ZBTB37: variants seen among roughly 807,000 people sequenced by gnomAD.
The protein encoded by ZBTB37 is zinc finger and BTB domain containing 37, also known as zinc finger and BTB domain-containing protein 37.
A neutral mutation model predicts 37.7 loss-of-function variants in ZBTB37; 15 were observed. That is an observed-to-expected ratio of 0.40 (90% CI 0.27 to 0.61). The LOEUF is 0.61. ZBTB37 is among the 20% of genes least tolerant of loss of function. The pLI is 0.44. For synonymous variants in ZBTB37, 231 were observed against 220.6 expected (o/e 1.05, Z -0.42); for missense variants, 514 against 641.9 (o/e 0.80, Z 2.15).
At chr1:173,900,887 A>T (rs1040018237) in exon 4 of ZBTB37, 21 of 152,370 alleles carry the variant, frequency 1.4e-4, no homozygotes, top group African/African-American at 4.6e-4. Context: ...TAGGGTTTTC[A>T]TACTGAAGAA....
chr1:173,870,029 A>G (rs1393359640), intron 2 of ZBTB37, among the ~76,000 whole-genome samples, 171 bp from the exon 3 acceptor site: 1 of 152,230 alleles, frequency 6.6e-6, no homozygotes, highest in African/African-American at 2.4e-5. Context: ...ACTTAAACTG[A>G]AAAACCTGTT....
Position 173,871,097 on chromosome 1 carries a change from T to C in ZBTB37, c.872T>C (p.Leu291Ser), listed in dbSNP as rs753077330. 3.0e-5 allele frequency: 49 copies of C among 1,613,420 alleles called. No individual in the cohort carries two copies. The South Asian group carries it at 4.0e-4, about 13-fold the overall frequency. ...TCTGTAGGACAGGAAAATTATACTT[T>C]AGGGTCTTCAGGAGCCAAGGTGGCT... Residue 291 changes from leucine (L) to serine (S), a missense_variant, in exon 3 of 5, where the codon TTA (leucine) becomes TCA (serine). Physicochemically the swap from Leu to Ser is moderately radical, Grantham distance 145. Around this residue, in one of 3 missense-constraint regions of ZBTB37, gnomAD observed 323 missense variants for 321.9 expected, o/e 1.00. Transcript: ENST00000427304.
chr1:173,873,483 A>G, exon 4 of ZBTB37: 2 of 1,611,864 alleles, frequency 1.2e-6, no homozygotes. Context: ...CCCCTCCGGC[A>G]GTGTTGTTCC....
chr1:173,888,582 A>G (rs1046065400), downstream of ZBTB37: 2 of 148,960 alleles, frequency 1.3e-5, no homozygotes, highest in African/African-American at 5.1e-5. Flanking sequence ...ATGCACCACC[A>G]TGTCTAGCTA....
intron 4 of ZBTB37, among the ~76,000 whole-genome samples, chr1:173,880,631 T>C (rs374772502): frequency 2.0e-5 from 3 of 152,340 alleles, no homozygotes; most frequent in East Asian, 1.9e-4. Flanking sequence ...AATTGTCAAG[T>C]GAGAGGAATG....
chr1:173,880,630 G>GT (rs1470674425), intron 4 of ZBTB37, among the ~76,000 whole-genome samples: 4 of 152,236 alleles, frequency 2.6e-5, no homozygotes, highest in African/African-American at 9.7e-5. Context: ...TAATTGTCAA[G>GT]TGAGAGGAAT....
chr1:173,882,370 T>G (rs1656373329), intron 4 of ZBTB37, among the ~76,000 whole-genome samples: 1 of 150,594 alleles, frequency 6.6e-6, no homozygotes, highest in African/African-American at 2.4e-5. Context: ...GCCTCCCGAG[T>G]AGCTGGGACT....
chr1:173,869,503 T>C (rs1422739204), intron 2 of ZBTB37, among the ~76,000 whole-genome samples: 1 of 152,230 alleles, frequency 6.6e-6, no homozygotes, highest in Non-Finnish European at 1.5e-5. Flanking sequence ...CACCTCGGAA[T>C]TGCCAACTTC....
intron 4 of ZBTB37, among the ~76,000 whole-genome samples, chr1:173,876,139 A>T (rs1274467351): frequency 6.6e-6 from 1 of 150,938 alleles, no homozygotes; most frequent in Non-Finnish European, 1.5e-5. Context: ...TTTTTCTCAC[A>T]GGTCTGATTG....
At chr1:173,875,803 C>T (rs1351462783) in intron 4 of ZBTB37, among the ~76,000 whole-genome samples, 2 of 151,950 alleles carry the variant, frequency 1.3e-5, no homozygotes, top group African/African-American at 4.8e-5. Flanking sequence ...CACAGATGCG[C>T]ACTACCATGC....
intron 4 of ZBTB37, among the ~76,000 whole-genome samples, chr1:173,879,114 C>G (rs903304433): frequency 6.6e-6 from 1 of 151,002 alleles, no homozygotes; most frequent in East Asian, 1.9e-4. Context: ...AAAAAATCAG[C>G]ATTTATTCTC....
At chr1:173,868,751 C>T (rs1459384458) in intron 1 of ZBTB37, 174 bp from the exon 2 acceptor site, 1 of 153,218 alleles carries the variant, frequency 6.5e-6, no homozygotes, top group Admixed American at 6.5e-5. Flanking sequence ...TCCTAGTTCT[C>T]ACCTGAGCGC....
intron 4 of ZBTB37, among the ~76,000 whole-genome samples, chr1:173,878,959 C>T (rs1301661552): frequency 1.3e-5 from 2 of 151,832 alleles, no homozygotes; most frequent in Non-Finnish European, 2.9e-5. Flanking sequence ...GGCATGGTGG[C>T]GGGTGCCTGT....
downstream of ZBTB37, chr1:173,889,681 C>T (rs1411251765): frequency 6.6e-6 from 1 of 152,196 alleles, no homozygotes; most frequent in African/African-American, 2.4e-5. Flanking sequence ...ATGACTTGTT[C>T]TCTCTTTACT....
exon 4 of ZBTB37, chr1:173,894,175 C>T (rs1039087530): frequency 7.2e-5 from 11 of 152,146 alleles, no homozygotes; most frequent in African/African-American, 2.7e-4. Context: ...GTGGTTAGGT[C>T]TAATAGTGAG....
downstream of ZBTB37, chr1:173,888,973 TTAAA>T (rs1426876207): frequency 2.6e-5 from 4 of 152,180 alleles, no homozygotes; most frequent in African/African-American, 4.8e-5. Flanking sequence ...TTCATTCACT[TTAAA>T]TAGCCTTTTC....
chr1:173,892,147 T>C (rs896768679), exon 4 of ZBTB37: 3 of 152,170 alleles, frequency 2.0e-5, no homozygotes, highest in African/African-American at 4.8e-5. Context: ...GAGTATTACT[T>C]TTCTGATTAA....
chr1:173,887,609 A>T (rs894813613), downstream of ZBTB37: 3 of 152,220 alleles, frequency 2.0e-5, no homozygotes, highest in Non-Finnish European at 4.4e-5. Context: ...TCATGAAGTG[A>T]GAGAAGGAGG....
At chr1:173,875,161 C>T (rs1170209391) in intron 4 of ZBTB37, among the ~76,000 whole-genome samples, 1 of 131,432 alleles carries the variant, frequency 7.6e-6, no homozygotes, top group Non-Finnish European at 1.6e-5. Context: ...TGTGTGTGTG[C>T]ACGTGTGTAC....
Sources: allele counts gnomAD v4.1 joint callset (sites outside exome capture counted in the v4.1 genomes callset), GRCh38; gene constraint gnomAD v4.1.1; regional missense constraint gnomAD v4.1.1; transcripts MANE v1.5; gene names NCBI Gene and HGNC (gene_info 2026-07-23, HGNC 2026-07-21).